Variants in ADAMTSL1 observed in about 807,000 individuals in gnomAD.
The protein encoded by ADAMTSL1 is ADAMTS like 1.
In ADAMTSL1, 126 loss-of-function variants were observed where a neutral mutation model predicts 201.8. The ratio of observed to expected loss-of-function variants is 0.62; its 90% CI spans 0.54 to 0.72. The LOEUF is 0.72. Among genes scored for constraint, ADAMTSL1 ranks in the 30% least tolerant of loss-of-function variants. ADAMTSL1 has a pLI of 0.00. For synonymous variants in ADAMTSL1, 1,121 were observed against 903.4 expected (o/e 1.24, Z -4.32); for missense variants, 2,679 against 2,277.8 (o/e 1.18, Z -3.59).
chr9:18,606,642 C>A (rs1442428883), intron 4 of ADAMTSL1, among the ~76,000 whole-genome samples: 1 of 152,118 alleles, frequency 6.6e-6, no homozygotes, highest in Admixed American at 6.5e-5. Context: ...GTGATATAGG[C>A]AGTTGCTTTG....
intron 9 of ADAMTSL1, among the ~76,000 whole-genome samples, chr9:18,668,506 T>C (rs575358208): frequency 9.8e-5 from 15 of 152,362 alleles, no homozygotes; most frequent in African/African-American, 3.6e-4. Flanking sequence ...ATTCTTTTAA[T>C]TGGCCTGTGA....
At chr9:18,125,763 CT>C (rs1359479174) in intron 1 of ADAMTSL1, among the ~76,000 whole-genome samples, 1 of 152,226 alleles carries the variant, frequency 6.6e-6, no homozygotes, top group South Asian at 2.1e-4. Context: ...TATATTGCAT[CT>C]TTTTTCCACA....
chr9:18,533,854 G>T (rs572599224), intron 3 of ADAMTSL1, among the ~76,000 whole-genome samples: 25 of 152,256 alleles, frequency 1.6e-4, no homozygotes, highest in Non-Finnish European at 3.1e-4. Flanking sequence ...AATAAATAAA[G>T]TTCTTTGTGG....
intron 17 of ADAMTSL1, 70 bp downstream of exon 17, chr9:18,770,851 T>A (rs1263841543): frequency 8.1e-6 from 12 of 1,472,930 alleles, no homozygotes; most frequent in Admixed American, 2.0e-5. Flanking sequence ...GACATATACA[T>A]AGAAAAGGCA....
chr9:18,536,660 T>C (rs1819794556), intron 3 of ADAMTSL1, among the ~76,000 whole-genome samples: 1 of 152,174 alleles, frequency 6.6e-6, no homozygotes, highest in Admixed American at 6.5e-5. Flanking sequence ...CATTTTACAG[T>C]TCCCTGCTCT....
intron 7 of ADAMTSL1, among the ~76,000 whole-genome samples, chr9:18,644,535 C>T (rs1224267791): frequency 6.6e-6 from 1 of 151,976 alleles, no homozygotes; most frequent in Middle Eastern, 3.4e-3. Flanking sequence ...TATCCCTCCC[C>T]CCTACCCCCA....
At chr9:18,812,204 G>A (rs866467552) in intron 20 of ADAMTSL1, among the ~76,000 whole-genome samples, 1 of 152,086 alleles carries the variant, frequency 6.6e-6, no homozygotes, top group Non-Finnish European at 1.5e-5. Context: ...AAATAATATT[G>A]TGTGATATTG....
intron 2 of ADAMTSL1, among the ~76,000 whole-genome samples, chr9:18,467,840 T>G (rs903451045): frequency 6.6e-6 from 1 of 152,216 alleles, no homozygotes; most frequent in Non-Finnish European, 1.5e-5. Flanking sequence ...AATGCCAAGC[T>G]GAGGAATTTG....
At chr9:18,825,660 C>A (rs10963785) in intron 21 of ADAMTSL1, among the ~76,000 whole-genome samples, 16,657 of 152,130 alleles carry the variant, frequency 0.11, 1,227 homozygotes, top group East Asian at 0.27. Flanking sequence ...GACCAGCCCC[C>A]GGTCAAGACA....
chr9:18,187,076 G>A (rs1233912677), intron 2 of ADAMTSL1, among the ~76,000 whole-genome samples: 1 of 152,146 alleles, frequency 6.6e-6, no homozygotes, highest in African/African-American at 2.4e-5. Context: ...TCACCATGCT[G>A]CATTTTCATC....
chr9:18,234,978 C>T (rs978008595), intron 2 of ADAMTSL1, among the ~76,000 whole-genome samples: 1 of 152,192 alleles, frequency 6.6e-6, no homozygotes, highest in Non-Finnish European at 1.5e-5. Flanking sequence ...TGAGATTCCC[C>T]TGTGATTAGC....
At chr9:18,464,850 A>G (rs1324921621) in intron 2 of ADAMTSL1, among the ~76,000 whole-genome samples, 1 of 152,208 alleles carries the variant, frequency 6.6e-6, no homozygotes, top group Non-Finnish European at 1.5e-5. Flanking sequence ...AAAGGGTGAG[A>G]TTTGTTTAAA....
chr9:18,596,608 TCA>T (rs1824278591), intron 4 of ADAMTSL1, among the ~76,000 whole-genome samples: 1 of 152,206 alleles, frequency 6.6e-6, no homozygotes, highest in Non-Finnish European at 1.5e-5. Context: ...TGTGAACATT[TCA>T]CATATGTTAC....
At chr9:18,586,162 G>C (rs1449062148) in intron 4 of ADAMTSL1, among the ~76,000 whole-genome samples, 1 of 152,172 alleles carries the variant, frequency 6.6e-6, no homozygotes. Context: ...TCTGTTTGCA[G>C]ACAACATGAT....
Position 18,352,853 on chromosome 9 carries a change from G to A in ADAMTSL1, c.208-151976G>A, listed in dbSNP as rs564936182. On this transcript the variant is annotated intron_variant, in intron 2 of 29. Transcript: ENST00000680146. Reference sequence around the variant, plus strand: ...CCCTGGCAAGATGCAAAGTCTGTTAGATATCTTGTTTCTTAGGAATCCTCC... The same window carrying A: ...CCCTGGCAAGATGCAAAGTCTGTTAAATATCTTGTTTCTTAGGAATCCTCC... 1.8e-4 allele frequency among the ~76,000 whole-genome samples: 27 copies of A among 152,322 alleles called. 1 individual carries two copies. The South Asian group carries it at 5.6e-3, about 32-fold the overall frequency.
chr9:18,678,561 G>A (rs1340113745), intron 10 of ADAMTSL1, among the ~76,000 whole-genome samples: 1 of 152,062 alleles, frequency 6.6e-6, no homozygotes. Flanking sequence ...TGCTATTTGT[G>A]AAATTACACT....
chr9:18,264,512 T>C (rs532877485), intron 2 of ADAMTSL1, among the ~76,000 whole-genome samples: 8 of 152,204 alleles, frequency 5.3e-5, no homozygotes, highest in African/African-American at 1.2e-4. Context: ...AGATGGGATA[T>C]GGAAGAAGTC....
At chr9:18,336,663 G>A (rs550057957) in intron 2 of ADAMTSL1, among the ~76,000 whole-genome samples, 2 of 152,222 alleles carry the variant, frequency 1.3e-5, no homozygotes, top group South Asian at 2.1e-4. Flanking sequence ...AAAAGTAAAA[G>A]GAACTCGGCA....
At chr9:18,067,625 A>G (rs932459727) in intron 1 of ADAMTSL1, among the ~76,000 whole-genome samples, 2 of 152,214 alleles carry the variant, frequency 1.3e-5, no homozygotes, top group African/African-American at 4.8e-5. Context: ...ATGAAGAGAT[A>G]TTATTCACAG....
Sources: gnomAD v4.1 joint callset for allele counts (sites outside exome capture counted in the v4.1 genomes callset) on GRCh38, gnomAD v4.1.1 for gene constraint, MANE v1.5 for transcripts, NCBI Gene and HGNC (gene_info 2026-07-23, HGNC 2026-07-21) for gene names.